NT5E: variants seen among roughly 807,000 people sequenced by gnomAD.
NT5E encodes the protein 5'-nucleotidase ecto, also known as 5'-nucleotidase.
Under a neutral mutation model 55.1 loss-of-function variants are expected in NT5E, and 53 were observed. The ratio of observed to expected loss-of-function variants is 0.96; its 90% confidence interval spans 0.77 to 1.21. NT5E has a LOEUF of 1.21. Among genes scored for constraint, NT5E ranks in the 50% most tolerant of loss-of-function variants. The pLI, the probability that NT5E is intolerant of heterozygous loss-of-function variation, is 0.00. For synonymous variants in NT5E, 270 were observed against 278.4 expected, an observed-to-expected ratio of 0.97 and a Z score of 0.30; for missense variants, 683 against 724.3, an observed-to-expected ratio of 0.94 and a Z score of 0.65.
At chr6:85,461,842 T>C (rs1395131898) in intron 1 of NT5E, among the ~76,000 whole-genome samples, 2 of 152,046 alleles carry the variant, frequency 1.3e-5, no homozygotes, top group Non-Finnish European at 2.9e-5. Flanking sequence ...TGGAGTTGTC[T>C]AGAGAGACTG....
In NT5E at chr6:85,450,181, C is replaced by A. The variant is rs368613430; in HGVS notation, c.42C>A (p.Leu14=). Residue 14 remains leucine, a synonymous_variant, in exon 1 of 9, where the codon CTC becomes CTA. Coordinates refer to ENST00000257770, the MANE Select transcript of NT5E (RefSeq NM_002526.4). This position sits in a 1 kb window ranked among gnomAD's most constrained non-coding sequence, Gnocchi z 4.0. ...RAARAPATLL[L]ALGAVLWPAA... ...CGCGGGCGCCCGCGACGCTACTCCTCGCCCTGGGCGCGGTGCTGTGGCCTG... is the reference window on the plus strand; with the variant it reads ...CGCGGGCGCCCGCGACGCTACTCCTAGCCCTGGGCGCGGTGCTGTGGCCTG... 2.5e-6 allele frequency: 4 copies of A among 1,605,760 alleles called. No homozygotes were observed. The highest frequency in any genetic ancestry group is 1.1e-5 in the South Asian group (1 of 89,854).
chr6:85,473,022 G>A (rs976639939), intron 3 of NT5E, among the ~76,000 whole-genome samples: 2 of 152,142 alleles, frequency 1.3e-5, no homozygotes, highest in African/African-American at 4.8e-5. Context: ...ACAGCCCCAG[G>A]CACATAGCAG....
At chr6:85,488,586 T>TAA (rs1201781912) in intron 5 of NT5E, among the ~76,000 whole-genome samples, 31 of 152,080 alleles carry the variant, frequency 2.0e-4, no homozygotes, top group African/African-American at 7.0e-4. Context: ...ATTAATTAAT[T>TAA]TATTTATTTA....
At chr6:85,488,320 G>T (rs1488422176) in intron 5 of NT5E, among the ~76,000 whole-genome samples, 1 of 152,194 alleles carries the variant, frequency 6.6e-6, no homozygotes, top group Non-Finnish European at 1.5e-5. Flanking sequence ...GCATTGCCCA[G>T]TGCCCAGGAT....
intron 5 of NT5E, among the ~76,000 whole-genome samples, chr6:85,489,142 C>T (rs1157559252): frequency 6.6e-6 from 1 of 152,042 alleles, no homozygotes; most frequent in Non-Finnish European, 1.5e-5. Context: ...AGGCAGAGGG[C>T]ATGGCCTGCC....
chr6:85,493,740 T>G, intron 8 of NT5E, 101 bp from the exon 9 acceptor site: 2 of 963,880 alleles, frequency 2.1e-6, no homozygotes, highest in South Asian at 1.4e-5. Context: ...ACTTTACCCC[T>G]GCTTATGAAA....
chr6:85,471,457 G>A (rs759345678), intron 3 of NT5E, 32 bp downstream of exon 3: 1 of 1,595,636 alleles, frequency 6.3e-7, no homozygotes, highest in Non-Finnish European at 8.6e-7. Flanking sequence ...CATGGGCCAG[G>A]ATGTCCAGAT....
At chr6:85,478,101 G>A (rs902626465) in intron 3 of NT5E, among the ~76,000 whole-genome samples, 2 of 152,034 alleles carry the variant, frequency 1.3e-5, no homozygotes, top group African/African-American at 2.4e-5. Context: ...ATTTGTACTG[G>A]TGGTCACCCA....
intron 3 of NT5E, among the ~76,000 whole-genome samples, chr6:85,482,391 G>T (rs1769568010): frequency 6.7e-6 from 1 of 150,164 alleles, no homozygotes. Context: ...AGGGAAAAAA[G>T]GAAAAAAGGG....
In NT5E at chr6:85,482,522, CAGTCCTTGGTTCCCAGGACAG is replaced by C. The variant is rs1302532557; in HGVS notation, c.752-2705_752-2685del. ...TCCAGACCCACACTTAGGTTCACCACAGTCCTTGGTTCCCAGGACAGAGTCCTTTGAGGTTCCTTCAAGCAC... is the reference window on the plus strand; with the variant it reads ...TCCAGACCCACACTTAGGTTCACCACAGTCCTTTGAGGTTCCTTCAAGCAC... On this transcript the variant is annotated intron_variant, in intron 3 of 8. Transcript: ENST00000257770. 7.9e-5 allele frequency among the ~76,000 whole-genome samples: 12 copies of C among 152,324 alleles called. No homozygotes were observed. In the South Asian group the frequency reaches 1.2e-3, roughly 16 times the overall value.
At chr6:85,461,313 G>T (rs1769094641) in intron 1 of NT5E, among the ~76,000 whole-genome samples, 1 of 152,084 alleles carries the variant, frequency 6.6e-6, no homozygotes, top group African/African-American at 2.4e-5. Flanking sequence ...ATGGAAAAAA[G>T]GTTACAAAAC....
At chr6:85,464,627 C>T (rs1438164815) in intron 1 of NT5E, among the ~76,000 whole-genome samples, 1 of 152,118 alleles carries the variant, frequency 6.6e-6, no homozygotes, top group Non-Finnish European at 1.5e-5. Context: ...TCTGTAGAGA[C>T]CTAAGGCAGA....
chr6:85,465,743 G>A (rs1256157855), intron 1 of NT5E, among the ~76,000 whole-genome samples: 1 of 152,230 alleles, frequency 6.6e-6, no homozygotes, highest in African/African-American at 2.4e-5. Flanking sequence ...ACAGCACTGA[G>A]CAGGAGAGGT....
chr6:85,466,985 C>A, intron 1 of NT5E, 75 bp from the exon 2 acceptor site: 1 of 1,356,752 alleles, frequency 7.4e-7, no homozygotes. Flanking sequence ...AGAGCTTAGT[C>A]AGTTTTGAGA....
chr6:85,468,187 G>T (rs1769233258), intron 2 of NT5E, among the ~76,000 whole-genome samples: 1 of 152,178 alleles, frequency 6.6e-6, no homozygotes, highest in African/African-American at 2.4e-5. Flanking sequence ...TGTTGTTGTT[G>T]TTATAAAATA....
intron 2 of NT5E, among the ~76,000 whole-genome samples, chr6:85,469,963 T>A (rs2127720962): frequency 6.6e-6 from 1 of 152,366 alleles, no homozygotes; most frequent in East Asian, 1.9e-4. Flanking sequence ...ATAATCTTGT[T>A]ACTCTTTGGA....
At chr6:85,458,512 T>C (rs1055841448) in intron 1 of NT5E, among the ~76,000 whole-genome samples, 47 of 152,340 alleles carry the variant, frequency 3.1e-4, no homozygotes, top group African/African-American at 1.0e-3. Context: ...TAACTGAAAA[T>C]TGGAGAGAAC....
At chr6:85,467,661 A>C (rs761233581) in intron 2 of NT5E, among the ~76,000 whole-genome samples, 5 of 152,178 alleles carry the variant, frequency 3.3e-5, no homozygotes, top group African/African-American at 4.8e-5. Flanking sequence ...GTTTTACCTC[A>C]ATTTACCTTA....
At position 85,489,584 on chromosome 6, in the gene NT5E, G is replaced by GTT; in HGVS notation, c.1195_1196insTT (p.Asp399ValfsTer26). On this transcript the variant is annotated frameshift_variant, in exon 6 of 9. Transcript: ENST00000257770. LOFTEE classifies it high-confidence loss of function. ...TGGAGGTGGTATCCGGTCGCCCATTGATGAACGCAACAATGGTATGCTCCC... is the reference window on the plus strand; with the variant it reads ...TGGAGGTGGTATCCGGTCGCCCATTGTTATGAACGCAACAATGGTATGCTCCC... 1 of 1,613,082 alleles carries GTT rather than the reference G, an allele frequency of 6.2e-7. No individual in the cohort carries two copies. Among genetic ancestry groups the GTT allele is most frequent in the South Asian group, 1.1e-5 (1 of 90,968 alleles).
Sources: allele counts gnomAD v4.1 joint callset (sites outside exome capture counted in the v4.1 genomes callset), GRCh38; gene constraint gnomAD v4.1.1; non-coding constraint Gnocchi (gnomAD v3.1); transcripts MANE v1.5; gene names NCBI Gene and HGNC (gene_info 2026-07-23, HGNC 2026-07-21).